CDKAL1: variants seen among roughly 807,000 people sequenced by gnomAD.
CDKAL1 encodes CDKAL1 threonylcarbamoyladenosine tRNA methylthiotransferase.
A neutral mutation model predicts 68.2 loss-of-function variants in CDKAL1; 32 were observed. The ratio of observed to expected loss-of-function variants is 0.47; its 90% CI spans 0.35 to 0.63. The LOEUF is 0.63. Ranked by LOEUF, CDKAL1 falls within the 30% of genes least tolerant of loss-of-function variation. The probability of loss-of-function intolerance (pLI) is 0.00; values close to 1 mark genes in which losing one functional copy is unlikely to be tolerated. For missense variants in CDKAL1, 606 were observed against 696.7 expected (o/e 0.87, Z 1.47); for synonymous variants, 234 against 244.3 (o/e 0.96, Z 0.39).
At chr6:21,072,961 C>A (rs13203959) in intron 12 of CDKAL1, among the ~76,000 whole-genome samples, 32,238 of 151,970 alleles carry the variant, frequency 0.21, 3,607 homozygotes, top group East Asian at 0.32. Flanking sequence ...TTCCATTTCT[C>A]CAAAATCCTG....
chr6:21,109,164 A>G (rs1167814815), intron 13 of CDKAL1, among the ~76,000 whole-genome samples: 1 of 152,214 alleles, frequency 6.6e-6, no homozygotes, highest in Non-Finnish European at 1.5e-5. Flanking sequence ...TTAACTCCAC[A>G]TCTTCATGGG....
At chr6:20,782,771 A>G (rs901195151) in intron 8 of CDKAL1, among the ~76,000 whole-genome samples, 1 of 152,170 alleles carries the variant, frequency 6.6e-6, no homozygotes, top group Non-Finnish European at 1.5e-5. Context: ...TAGGGATTTA[A>G]TGCATATTTA....
intron 5 of CDKAL1, among the ~76,000 whole-genome samples, chr6:20,739,175 G>A (rs1581481492): frequency 6.6e-6 from 1 of 152,128 alleles, no homozygotes; most frequent in East Asian, 1.9e-4. Flanking sequence ...TTTAAAATAA[G>A]TAACCTACTT....
chr6:20,862,050 G>A (rs1280835829), intron 9 of CDKAL1, among the ~76,000 whole-genome samples: 6 of 152,172 alleles, frequency 3.9e-5, no homozygotes, highest in Admixed American at 3.9e-4. Context: ...TATTTTAATA[G>A]TAAAATATTA....
intron 9 of CDKAL1, among the ~76,000 whole-genome samples, chr6:20,924,378 A>G (rs1763091352): frequency 6.6e-6 from 1 of 151,398 alleles, no homozygotes; most frequent in African/African-American, 2.4e-5. Context: ...GAAATGATTA[A>G]GCTTAGTAAG....
chr6:21,075,553 TA>T (rs1179156746), intron 12 of CDKAL1, among the ~76,000 whole-genome samples: 2 of 152,118 alleles, frequency 1.3e-5, no homozygotes, highest in Admixed American at 1.3e-4. Flanking sequence ...ATGAACAGGA[TA>T]AACTAAAATT....
chr6:21,144,247 T>TA, intron 13 of CDKAL1, among the ~76,000 whole-genome samples: 1 of 152,332 alleles, frequency 6.6e-6, no homozygotes, highest in Middle Eastern at 3.4e-3. Context: ...GAAAGTGGCA[T>TA]AAAATTACAC....
chr6:20,585,339 A>G (rs907132689), intron 4 of CDKAL1, among the ~76,000 whole-genome samples: 2 of 152,184 alleles, frequency 1.3e-5, no homozygotes, highest in East Asian at 1.9e-4. Flanking sequence ...GGCGTGAGCC[A>G]CTGCGCCCGG....
chr6:20,571,545 T>A (rs898284931), intron 4 of CDKAL1, among the ~76,000 whole-genome samples: 1 of 152,076 alleles, frequency 6.6e-6, no homozygotes, highest in African/African-American at 2.4e-5. Context: ...TGAAGTGGAT[T>A]GACATTTTGG....
In CDKAL1 at chr6:21,231,575, C is replaced by CAT. The variant is rs1779977516; in HGVS notation, c.*536_*537insAT. The CAT allele has an allele frequency of 6.6e-6, 1 of 152,192 alleles. No homozygotes were observed. Among genetic ancestry groups the CAT allele is most frequent in the Non-Finnish European group, 1.5e-5 (1 of 68,146 alleles). The allele number at this position is 152,192 out of a possible 1,614,324, so 9.4% of individuals were successfully genotyped here. On this transcript the variant is annotated 3_prime_UTR_variant, in exon 16 of 16. Coordinates refer to ENST00000274695, the MANE Select transcript of CDKAL1 (RefSeq NM_017774.3). The stretch of plus-strand genomic sequence containing the variant: ...CCAAGTAGCTGGGATTACAGGCATG[C>CAT]GCCACCAAGCCCAGACAATTTTTTT...
At chr6:20,694,242 A>C (rs1440855168) in intron 5 of CDKAL1, among the ~76,000 whole-genome samples, 1 of 152,168 alleles carries the variant, frequency 6.6e-6, no homozygotes, top group African/African-American at 2.4e-5. Flanking sequence ...GGGTTTCACT[A>C]TGTTGCCCAG....
chr6:21,014,753 G>A (rs1287190504), intron 11 of CDKAL1, among the ~76,000 whole-genome samples: 2 of 151,952 alleles, frequency 1.3e-5, no homozygotes, highest in African/African-American at 4.8e-5. Flanking sequence ...TCAATATTTG[G>A]TTTTTGTTCT....
chr6:20,597,952 T>G (rs975033125), intron 4 of CDKAL1, among the ~76,000 whole-genome samples: 12 of 152,202 alleles, frequency 7.9e-5, no homozygotes, highest in African/African-American at 2.2e-4. Context: ...TGGTGATCAT[T>G]AAGTTTCCAC....
intron 4 of CDKAL1, among the ~76,000 whole-genome samples, chr6:20,630,714 C>T (rs1010425011): frequency 6.6e-6 from 1 of 152,144 alleles, no homozygotes; most frequent in Admixed American, 6.5e-5. Context: ...TGGCAAATAG[C>T]TAGCATGGAA....
intron 9 of CDKAL1, among the ~76,000 whole-genome samples, chr6:20,868,173 T>A (rs181697657): frequency 2.0e-4 from 31 of 152,342 alleles, no homozygotes; most frequent in Non-Finnish European, 4.0e-4. Flanking sequence ...ACACTGTTGA[T>A]ATTTTTAATG....
At chr6:20,825,834 G>C (rs561062673) in intron 8 of CDKAL1, among the ~76,000 whole-genome samples, 1 of 152,194 alleles carries the variant, frequency 6.6e-6, no homozygotes, top group Admixed American at 6.6e-5. Context: ...ATATGGGTAT[G>C]CTACTTAGAG....
At chr6:20,902,333 AC>A (rs1255098795) in intron 9 of CDKAL1, among the ~76,000 whole-genome samples, 5 of 150,648 alleles carry the variant, frequency 3.3e-5, no homozygotes, top group East Asian at 1.9e-4. Flanking sequence ...ACACACACAC[AC>A]ACACACACAC....
At chr6:20,986,424 A>G (rs559891406) in intron 10 of CDKAL1, among the ~76,000 whole-genome samples, 4 of 152,238 alleles carry the variant, frequency 2.6e-5, no homozygotes, top group Non-Finnish European at 1.5e-5. Flanking sequence ...AATTTTTCAA[A>G]ATTTAAAGAA....
chr6:20,907,268 A>C (rs887117686), intron 9 of CDKAL1, among the ~76,000 whole-genome samples: 2 of 152,180 alleles, frequency 1.3e-5, no homozygotes, highest in Admixed American at 1.3e-4. Context: ...ATAAAAATAT[A>C]AAATTTGGCC....
Sources: gnomAD v4.1 joint callset for allele counts (sites outside exome capture counted in the v4.1 genomes callset) on GRCh38, gnomAD v4.1.1 for gene constraint, MANE v1.5 for transcripts, NCBI Gene and HGNC (gene_info 2026-07-23, HGNC 2026-07-21) for gene names.